Variants in RTL4 observed in about 807,000 individuals in gnomAD.
RTL4 encodes retrotransposon Gag-like protein 4.
A neutral mutation model predicts 5.3 loss-of-function variants in RTL4; 4 were observed. That is an observed-to-expected ratio of 0.75 (90% CI 0.37 to 1.72). The LOEUF (loss-of-function observed/expected upper bound fraction) is 1.72. RTL4 is among the 40% of genes most tolerant of loss of function. RTL4 has a pLI of 0.04. For synonymous variants in RTL4, 98 were observed against 87.3 expected, an observed-to-expected ratio of 1.12 and a Z score of -0.68; for missense variants, 260 against 227.1, an observed-to-expected ratio of 1.14 and a Z score of -0.93.
the RTL4 span, among the ~76,000 whole-genome samples, chrX:112,106,964 G>T: frequency 1.8e-5 from 2 of 111,644 alleles, no homozygotes; most frequent in Non-Finnish European, 3.8e-5. Context: ...CACTCTGCAG[G>T]CTGTCTCCAC....
chrX:112,180,865 A>C, the RTL4 span, among the ~76,000 whole-genome samples: 1 of 112,524 alleles, frequency 8.9e-6, no homozygotes, highest in East Asian at 2.8e-4. Flanking sequence ...AAACTCTATC[A>C]GAAATTTAAT....
At chrX:112,153,979 T>C in the RTL4 span, among the ~76,000 whole-genome samples, 1 of 111,263 alleles carries the variant, frequency 9.0e-6, no homozygotes, top group Non-Finnish European at 1.9e-5. Flanking sequence ...TATGTTGATA[T>C]ACTTGGTGGT....
chrX:112,209,818 G>T, the RTL4 span, among the ~76,000 whole-genome samples: 1 of 111,811 alleles, frequency 8.9e-6, no homozygotes, highest in East Asian at 2.8e-4. Flanking sequence ...ATAGCCAAAT[G>T]TTCAGTTTCC....
chrX:112,443,579 A>G, the RTL4 span, among the ~76,000 whole-genome samples: 1 of 111,809 alleles, frequency 8.9e-6, no homozygotes, highest in Admixed American at 9.5e-5. Context: ...CCTTTCCTCC[A>G]TATCTTCACC....
At chrX:112,438,365 A>G in the RTL4 span, among the ~76,000 whole-genome samples, 1 of 111,730 alleles carries the variant, frequency 9.0e-6, no homozygotes, top group Non-Finnish European at 1.9e-5. Flanking sequence ...GCTGGCTCCA[A>G]TGAACTTCGA....
chrX:112,208,396 G>C, the RTL4 span, among the ~76,000 whole-genome samples: 2 of 111,877 alleles, frequency 1.8e-5, no homozygotes, highest in Non-Finnish European at 3.8e-5. Flanking sequence ...CTGTAAGAGT[G>C]CATAGTTCTG....
At chrX:112,304,004 G>C in the RTL4 span, among the ~76,000 whole-genome samples, 2 of 110,647 alleles carry the variant, frequency 1.8e-5, no homozygotes, top group African/African-American at 6.6e-5. Flanking sequence ...TGCGTGTATA[G>C]TCTTTACAGT....
chrX:112,382,081 G>A, the RTL4 span: 4 of 1,208,512 alleles, frequency 3.3e-6, no homozygotes, highest in Middle Eastern at 4.6e-4. Flanking sequence ...AGCAGCAGCT[G>A]CAGCAGGAAC....
chrX:112,367,164 T>A, the RTL4 span, among the ~76,000 whole-genome samples: 7 of 111,539 alleles, frequency 6.3e-5, no homozygotes, highest in South Asian at 2.2e-3. Context: ...AGTTCTAACA[T>A]AATTGGCCAC....
the RTL4 span, among the ~76,000 whole-genome samples, chrX:112,243,059 T>C: frequency 8.9e-6 from 1 of 111,782 alleles, no homozygotes; most frequent in Admixed American, 9.5e-5. Context: ...TCTTGGTGGA[T>C]AAGCTTTTTG....
At chrX:112,435,012 G>A in the RTL4 span, among the ~76,000 whole-genome samples, 1 of 110,867 alleles carries the variant, frequency 9.0e-6, no homozygotes, top group Admixed American at 9.6e-5. Context: ...TGCAAGCAGG[G>A]GGAAATGCTG....
At chrX:112,409,317 A>G in the RTL4 span, among the ~76,000 whole-genome samples, 1 of 112,379 alleles carries the variant, frequency 8.9e-6, no homozygotes, top group Non-Finnish European at 1.9e-5. Flanking sequence ...TGCTTTGTTT[A>G]TTTATTCAGT....
At chrX:112,245,901 T>A in the RTL4 span, among the ~76,000 whole-genome samples, 2 of 112,429 alleles carry the variant, frequency 1.8e-5, no homozygotes, top group Admixed American at 9.4e-5. Flanking sequence ...TTCTTTTTGT[T>A]GATGTTGATG....
chrX:112,342,713 T>G, the RTL4 span, among the ~76,000 whole-genome samples: 3 of 111,058 alleles, frequency 2.7e-5, no homozygotes, highest in African/African-American at 9.8e-5. Context: ...TCAAACAAAT[T>G]CAAAACAAAT....
the RTL4 span, among the ~76,000 whole-genome samples, chrX:112,227,610 G>A: frequency 9.0e-6 from 1 of 111,728 alleles, no homozygotes; most frequent in African/African-American, 3.3e-5. Flanking sequence ...TTAAGCTAAG[G>A]CATTATCGAA....
At chrX:112,245,821 C>A in the RTL4 span, among the ~76,000 whole-genome samples, 1 of 112,417 alleles carries the variant, frequency 8.9e-6, no homozygotes, top group African/African-American at 3.2e-5. Context: ...GGTTTCTCCC[C>A]ATCTTTGTGG....
chrX:112,202,621 C>T, the RTL4 span, among the ~76,000 whole-genome samples: 5 of 107,243 alleles, frequency 4.7e-5, no homozygotes, highest in African/African-American at 1.0e-4. Flanking sequence ...AGTGAAGTGG[C>T]GCGATCTCAG....
chrX:112,397,075 G>A, the RTL4 span, among the ~76,000 whole-genome samples: 2 of 111,611 alleles, frequency 1.8e-5, no homozygotes, highest in Non-Finnish European at 3.8e-5. Context: ...TCATACTATT[G>A]TCTTTGGAAA....
At chrX:112,176,589 A>G in the RTL4 span, among the ~76,000 whole-genome samples, 27 of 111,382 alleles carry the variant, frequency 2.4e-4, no homozygotes, top group African/African-American at 8.8e-4. Flanking sequence ...TTTGAGGTAT[A>G]TGTGATATTT....
Sources: allele counts gnomAD v4.1 joint callset (sites outside exome capture counted in the v4.1 genomes callset), GRCh38; gene constraint gnomAD v4.1.1; transcripts MANE v1.5; gene names NCBI Gene and HGNC (gene_info 2026-07-23, HGNC 2026-07-21).